The following QTMAN variants were observed in gnomAD, a reference collection of about 807,000 sequenced individuals.
QTMAN encodes the protein queuosine-tRNA mannosyltransferase, also known as tRNA-queuosine alpha-mannosyltransferase.
the QTMAN span, among the ~76,000 whole-genome samples, chr2:144,122,669 C>T: frequency 7.7e-4 from 117 of 152,254 alleles, 1 homozygote; most frequent in East Asian, 0.022. Context: ...GGAAAATTTT[C>T]GTTCATCTTC....
At chr2:144,168,714 T>C in the QTMAN span, among the ~76,000 whole-genome samples, 10,338 of 152,174 alleles carry the variant, frequency 0.068, 621 homozygotes, top group African/African-American at 0.16. Context: ...TTTTCTTTTT[T>C]CTCTATACAT....
the QTMAN span, among the ~76,000 whole-genome samples, chr2:144,074,450 A>G: frequency 6.6e-6 from 1 of 152,216 alleles, no homozygotes; most frequent in Non-Finnish European, 1.5e-5. Context: ...AGCTCATTTA[A>G]AAATCATTTT....
chr2:144,239,434 G>A, the QTMAN span, among the ~76,000 whole-genome samples: 1 of 151,810 alleles, frequency 6.6e-6, no homozygotes, highest in African/African-American at 2.4e-5. Flanking sequence ...TGTTTTGAAT[G>A]TAAGGTTTTC....
the QTMAN span, among the ~76,000 whole-genome samples, chr2:144,204,688 G>A: frequency 6.6e-6 from 1 of 152,058 alleles, no homozygotes. Flanking sequence ...AAAGACACAT[G>A]CACACGTATG....
the QTMAN span, among the ~76,000 whole-genome samples, chr2:144,138,536 G>GA: frequency 3.9e-5 from 6 of 152,070 alleles, no homozygotes; most frequent in Non-Finnish European, 8.8e-5. Flanking sequence ...GAATAGACCA[G>GA]AAAAAATTGT....
the QTMAN span, among the ~76,000 whole-genome samples, chr2:143,977,253 C>CA: frequency 7.3e-5 from 11 of 151,114 alleles, no homozygotes; most frequent in Admixed American, 2.0e-4. Context: ...GTCCCTCAAC[C>CA]AAAAAAAAGG....
At chr2:144,061,271 G>T in the QTMAN span, among the ~76,000 whole-genome samples, 24,676 of 151,998 alleles carry the variant, frequency 0.16, 3,825 homozygotes, top group African/African-American at 0.39. Flanking sequence ...ATTAATATTT[G>T]ATAAGGAATA....
the QTMAN span, among the ~76,000 whole-genome samples, chr2:144,186,084 G>T: frequency 2.6e-5 from 4 of 152,150 alleles, no homozygotes; most frequent in African/African-American, 7.2e-5. Flanking sequence ...AGTCCATCAG[G>T]TAACTGAAGC....
the QTMAN span, among the ~76,000 whole-genome samples, chr2:144,184,431 G>A: frequency 2.8e-4 from 43 of 152,110 alleles, 1 homozygote; most frequent in African/African-American, 8.2e-4. Flanking sequence ...TCATTGCCAC[G>A]TTAATAAAAT....
At chr2:144,045,876 T>C in the QTMAN span, among the ~76,000 whole-genome samples, 1 of 152,254 alleles carries the variant, frequency 6.6e-6, no homozygotes, top group East Asian at 1.9e-4. Context: ...TTTTGTCATG[T>C]TAGCTCCAGC....
At chr2:143,961,615 A>G in the QTMAN span, among the ~76,000 whole-genome samples, 1 of 152,124 alleles carries the variant, frequency 6.6e-6, no homozygotes, top group Non-Finnish European at 1.5e-5. Context: ...CATATTTATA[A>G]TTTTTGAGAA....
the QTMAN span, among the ~76,000 whole-genome samples, chr2:144,239,730 G>A: frequency 2.6e-5 from 4 of 152,114 alleles, no homozygotes; most frequent in Non-Finnish European, 5.9e-5. Flanking sequence ...TTTTAATTCA[G>A]TGATATTTAT....
chr2:144,328,285 G>A, the QTMAN span, among the ~76,000 whole-genome samples: 10 of 152,020 alleles, frequency 6.6e-5, no homozygotes, highest in African/African-American at 2.2e-4. Context: ...AAAAATTATC[G>A]TCTGTTTAAA....
chr2:144,250,751 GAAAAAA>G, the QTMAN span, among the ~76,000 whole-genome samples: 1 of 67,090 alleles, frequency 1.5e-5, no homozygotes, highest in Non-Finnish European at 3.4e-5. Context: ...CTTTAAGGCC[GAAAAAA>G]AAAAAAAAAA....
At chr2:144,182,775 A>C in the QTMAN span, among the ~76,000 whole-genome samples, 3 of 105,480 alleles carry the variant, frequency 2.8e-5, no homozygotes, top group Non-Finnish European at 3.8e-5. Flanking sequence ...ACAGCAAGTT[A>C]TCAGGTACAT....
the QTMAN span, among the ~76,000 whole-genome samples, chr2:144,122,012 T>C: frequency 6.6e-6 from 1 of 152,184 alleles, no homozygotes; most frequent in Non-Finnish European, 1.5e-5. Flanking sequence ...TATACAGTGT[T>C]GTAAAATAAA....
At chr2:144,086,947 C>T in the QTMAN span, among the ~76,000 whole-genome samples, 1 of 152,074 alleles carries the variant, frequency 6.6e-6, no homozygotes, top group Non-Finnish European at 1.5e-5. Flanking sequence ...CAGGAAGCAC[C>T]AGATCACTTT....
the QTMAN span, among the ~76,000 whole-genome samples, chr2:143,993,188 CTGTG>C: frequency 6.6e-6 from 1 of 152,116 alleles, no homozygotes; most frequent in Admixed American, 6.6e-5. Flanking sequence ...TGAACAGAGA[CTGTG>C]TGTGTGATTT....
chr2:144,262,574 A>AT, the QTMAN span, among the ~76,000 whole-genome samples: 12 of 141,148 alleles, frequency 8.5e-5, no homozygotes, highest in Non-Finnish European at 1.4e-4. Context: ...TGTCTCAAAA[A>AT]AAAAAAAAAA....
Sources: gnomAD v4.1 joint callset for allele counts (sites outside exome capture counted in the v4.1 genomes callset) on GRCh38, gnomAD v4.1.1 for gene constraint, MANE v1.5 for transcripts, NCBI Gene and HGNC (gene_info 2026-07-23, HGNC 2026-07-21) for gene names.